Variants in TUFT1 observed in about 807,000 individuals in gnomAD.
TUFT1 encodes the protein tuftelin.
Under a neutral mutation model 57.8 loss-of-function variants are expected in TUFT1, and 43 were observed. The observed-to-expected ratio is 0.74, with a 90% CI of 0.58 to 0.96. TUFT1 has a LOEUF of 0.96. TUFT1 is among the 40% of genes least tolerant of loss of function. The pLI, the probability that TUFT1 is intolerant of heterozygous loss-of-function variation, is 0.00. For synonymous variants in TUFT1, 166 were observed against 176.7 expected, an observed-to-expected ratio of 0.94 and a Z score of 0.48; for missense variants, 459 against 489.0, an observed-to-expected ratio of 0.94 and a Z score of 0.58.
rs1212225835 is a variant in TUFT1, at chr1:151,574,993, C to G, written c.806C>G (p.Ala269Gly). The change falls in exon 9 of 13, where the codon GCA (alanine) becomes GGA (glycine). Residue 269 changes from alanine (A) to glycine (G), a missense_variant. Transcript: ENST00000368849. Reference sequence around the variant, plus strand: ...CGGAGCAACAATGCTGACTGCCAAGCAGAACGAGAAAAGTAAGGGCTTGGC... The same window carrying G: ...CGGAGCAACAATGCTGACTGCCAAGGAGAACGAGAAAAGTAAGGGCTTGGC... ...ELRSNNADCQ[A>G]EREKAATLEK... 1 of 1,563,910 alleles carries G rather than the reference C, an allele frequency of 6.4e-7. No homozygotes were observed. The highest frequency in any genetic ancestry group is 2.4e-5 in the East Asian group (1 of 42,214).
chr1:151,580,983 A>T lies in TUFT1; in HGVS notation c.1050A>T (p.Lys350Asn). 6.2e-7 allele frequency: 1 copy of T among 1,614,168 alleles called. No homozygotes were observed. The highest frequency in any genetic ancestry group is 8.5e-7 in the Non-Finnish European group (1 of 1,180,028). Residue 350 changes from lysine (K) to asparagine (N), a missense_variant, in exon 12 of 13, where the codon AAA becomes AAT. Lys to Asn is a moderately conservative substitution (Grantham distance 94, BLOSUM62 0). Coordinates refer to ENST00000368849, the MANE Select transcript of TUFT1 (RefSeq NM_020127.3). ...MHDRMEHLIE[K>N]QISHGNFSTQ... The stretch of plus-strand genomic sequence containing the variant: ...ACCGGATGGAACACCTGATAGAAAA[A>T]CAAATCAGTCATGGCAACTTCAGCA...
chr1:151,543,045 C>G (rs1479330531), intron 1 of TUFT1, among the ~76,000 whole-genome samples: 1 of 152,294 alleles, frequency 6.6e-6, no homozygotes, highest in South Asian at 2.1e-4. Flanking sequence ...GGCCCTGGGA[C>G]TCTGTTGGTG....
chr1:151,583,311 G>A lies in TUFT1; in HGVS notation c.*1604G>A, dbSNP rs905913359. 3 of 152,196 alleles carry A rather than the reference G, an allele frequency of 2.0e-5. No individual in the cohort carries two copies. Among genetic ancestry groups the A allele is most frequent in the Non-Finnish European group, 4.4e-5 (3 of 68,028 alleles). The allele number at this position is 152,196 out of a possible 1,614,324, so 9.4% of individuals were successfully genotyped here. A position where few individuals can be genotyped will look rare whatever the true frequency, so the allele number is the denominator to read the frequency against. On this transcript the variant is annotated 3_prime_UTR_variant, in exon 13 of 13. Transcript: ENST00000368849. Reference sequence around the variant, plus strand: ...TCAGAGTATGGTACTATAGGAATCAGAAAAATTCAAAACAAATGTGGATTA... The same window carrying A: ...TCAGAGTATGGTACTATAGGAATCAAAAAAATTCAAAACAAATGTGGATTA...
intron 1 of TUFT1, among the ~76,000 whole-genome samples, chr1:151,543,325 ATATG>A (rs754129949): frequency 2.9e-4 from 24 of 83,256 alleles, no homozygotes; most frequent in East Asian, 8.6e-4. Flanking sequence ...AGTTATATAT[ATATG>A]TGTGTGTGTG....
chr1:151,549,065 T>C (rs1435868806), intron 1 of TUFT1, among the ~76,000 whole-genome samples: 1 of 152,184 alleles, frequency 6.6e-6, no homozygotes, highest in Non-Finnish European at 1.5e-5. Context: ...GTGGTGAGGC[T>C]GCCTATAATT....
At chr1:151,561,250 G>A (rs1010175419) in intron 1 of TUFT1, among the ~76,000 whole-genome samples, 1 of 151,982 alleles carries the variant, frequency 6.6e-6, no homozygotes, top group Non-Finnish European at 1.5e-5. Flanking sequence ...CACCTGCCTT[G>A]GCCTCCCAAA....
intron 12 of TUFT1, 73 bp from the exon 13 acceptor site, chr1:151,581,571 A>T: frequency 6.8e-7 from 1 of 1,477,780 alleles, no homozygotes. Context: ...TGAAGATTCC[A>T]GGGGCTCTGT....
At chr1:151,571,255 T>C (rs1268995191) in intron 7 of TUFT1, among the ~76,000 whole-genome samples, 1 of 152,204 alleles carries the variant, frequency 6.6e-6, no homozygotes, top group Non-Finnish European at 1.5e-5. Context: ...ATAAACTGCT[T>C]CTATGTTAGC....
At position 151,562,139 on chromosome 1, in the gene TUFT1, G is replaced by C. The variant is rs1665916650; in HGVS notation, c.109G>C (p.Asp37His). The C allele has an allele frequency of 6.2e-7, 1 of 1,614,072 alleles. No homozygotes were observed. Among genetic ancestry groups the C allele is most frequent in the Non-Finnish European group, 8.5e-7 (1 of 1,180,032 alleles). ...RLTLQGELTGDELEHIAQKAG... is the reference protein window; with the variant it reads ...RLTLQGELTGHELEHIAQKAG... ...GACTCTCCAGGGTGAACTGACAGGAGATGAACTTGAACACATAGCCCAGAA... is the reference window on the plus strand; with the variant it reads ...GACTCTCCAGGGTGAACTGACAGGACATGAACTTGAACACATAGCCCAGAA... The change falls in exon 2 of 13, where the codon GAT (aspartate) becomes CAT (histidine). Residue 37 changes from aspartate to histidine, a missense_variant. Transcript: ENST00000368849.
chr1:151,543,017 G>A (rs1045563787), intron 1 of TUFT1, among the ~76,000 whole-genome samples: 5 of 152,206 alleles, frequency 3.3e-5, no homozygotes, highest in African/African-American at 1.2e-4. Context: ...ACTGATTAGA[G>A]ATCCTACTGG....
At chr1:151,565,699 T>G (rs1666048236) in intron 5 of TUFT1, among the ~76,000 whole-genome samples, 1 of 152,208 alleles carries the variant, frequency 6.6e-6, no homozygotes, top group African/African-American at 2.4e-5. Flanking sequence ...GATCTTCCCT[T>G]TGTAATTTTT....
At chr1:151,557,369 GCTTTAATCATCAAATGTAACTTAGAAAAC>G in intron 1 of TUFT1, 1 of 623,202 alleles carries the variant, frequency 1.6e-6, no homozygotes, top group Non-Finnish European at 2.9e-6. Flanking sequence ...TATACTTTTT[GCTTTAATCATCAAATGTAACTTAGAAAAC>G]CTAAGAGGGG....
intron 1 of TUFT1, chr1:151,561,746 A>G: frequency 7.6e-7 from 1 of 1,317,164 alleles, no homozygotes; most frequent in African/African-American, 1.5e-5. Context: ...GAGGATGAGC[A>G]GTCCAGGAAT....
At position 151,574,329 on chromosome 1, in the gene TUFT1, G is replaced by A. The variant is rs1666371365; in HGVS notation, c.654G>A (p.Glu218=). The A allele has an allele frequency of 2.5e-6, 4 of 1,614,098 alleles. No individual in the cohort carries two copies. Among genetic ancestry groups the A allele is most frequent in the Admixed American group, 1.7e-5 (1 of 60,006 alleles). ...AAAGTAATGTGGCCCTTCAGAGAGA[G>A]GAGGACAGAGTGGAGCAGAAAGAGG... The part of the protein sequence containing the change: ...AEQSNVALQR[E]EDRVEQKEAE... Residue 218 remains glutamate (E), a synonymous_variant, in exon 8 of 13, where the codon GAG becomes GAA. Coordinates refer to ENST00000368849, the MANE Select transcript of TUFT1 (RefSeq NM_020127.3).
At chr1:151,572,898 G>A (rs540715991) in intron 7 of TUFT1, among the ~76,000 whole-genome samples, 3 of 152,294 alleles carry the variant, frequency 2.0e-5, no homozygotes, top group African/African-American at 7.2e-5. Flanking sequence ...TCCCAGGGCT[G>A]GCTGCTAGGC....
intron 5 of TUFT1, chr1:151,565,920 T>C (rs1259347123): frequency 2.4e-6 from 1 of 422,806 alleles, no homozygotes; most frequent in Non-Finnish European, 4.4e-6. Context: ...CTCTTGTTTC[T>C]ATTTTCTCAT....
chr1:151,540,553 G>T, intron 1 of TUFT1, 127 bp downstream of exon 1: 1 of 1,041,602 alleles, frequency 9.6e-7, no homozygotes, highest in Non-Finnish European at 1.4e-6. Context: ...AGCCCTGCGC[G>T]GCGCTTCTCT....
At chr1:151,549,294 A>G (rs1665439207) in intron 1 of TUFT1, among the ~76,000 whole-genome samples, 1 of 152,128 alleles carries the variant, frequency 6.6e-6, no homozygotes, top group Non-Finnish European at 1.5e-5. Context: ...TGCTCTAGAA[A>G]ACAACTAAGT....
chr1:151,563,390 T>A (rs987138474), intron 3 of TUFT1, among the ~76,000 whole-genome samples: 2 of 152,210 alleles, frequency 1.3e-5, no homozygotes, highest in Non-Finnish European at 2.9e-5. Flanking sequence ...ATTATTATAC[T>A]CCATTTTTAC....
Sources: allele counts gnomAD v4.1 joint callset (sites outside exome capture counted in the v4.1 genomes callset), GRCh38; gene constraint gnomAD v4.1.1; transcripts MANE v1.5; gene names NCBI Gene and HGNC (gene_info 2026-07-23, HGNC 2026-07-21).